The following COL11A2 variants were observed in gnomAD, a reference collection of about 807,000 sequenced individuals.
COL11A2 encodes collagen type XI alpha 2 chain.
COL11A2 carries 116 observed loss-of-function variants against 273.4 expected under a neutral mutation model. The ratio of observed to expected loss-of-function variants is 0.42; its 90% confidence interval spans 0.36 to 0.49. The LOEUF is 0.49. Among genes scored for constraint, COL11A2 ranks in the 20% least tolerant of loss-of-function variants. The pLI, the probability that COL11A2 is intolerant of heterozygous loss-of-function variation, is 0.00. For synonymous variants in COL11A2, 782 were observed against 864.2 expected (o/e 0.90, Z 1.67); for missense variants, 1,866 against 2,309.0 (o/e 0.81, Z 3.93).
chr6:33,179,290 A>C lies in COL11A2; in HGVS notation c.1504-6T>G. On this transcript the variant is annotated splice_polypyrimidine_tract_variant and splice_region_variant and intron_variant, in intron 14 of 65. Coordinates refer to ENST00000341947, the MANE Select transcript of COL11A2 (RefSeq NM_080680.3). This position sits in a 1 kb window ranked among gnomAD's most constrained non-coding sequence, Gnocchi z 6.4. ...CCAGGGCTCCCAGGTTGGCCCTGGG[A>C]GAGAGAAGAGAGGATGGCCGTAAGG... The C allele has an allele frequency of 6.2e-7, 1 of 1,609,344 alleles. No individual in the cohort carries two copies. Among genetic ancestry groups the C allele is most frequent in the Non-Finnish European group, 8.5e-7 (1 of 1,178,444 alleles).
chr6:33,173,626 T>C lies in COL11A2; in HGVS notation c.2629-71A>G. The C allele has an allele frequency of 1.4e-6, 2 of 1,430,088 alleles. No individual in the cohort carries two copies. The highest frequency in any genetic ancestry group is 1.2e-5 in the South Asian group (1 of 85,896). 88.6% of individuals were successfully genotyped at this position (1,430,088 alleles called of 1,614,324 possible). On this transcript the variant is annotated intron_variant, in intron 35 of 65. Transcript: ENST00000341947. This position sits in a 1 kb window ranked among gnomAD's most constrained non-coding sequence, Gnocchi z 6.3. ...GAGTGGGGGAACTCAGCTTCCTTCC[T>C]GGGGTGAGGAGGGAGCTGGCTCACC...
Position 33,185,186 on chromosome 6 carries a change from CAGATCTTGCAG to C in COL11A2, c.877-143_877-133del. 4.1e-6 allele frequency: 3 copies of C among 725,646 alleles called. No individual in the cohort carries two copies. In the South Asian group the frequency reaches 4.6e-5, roughly 11 times the overall value. The allele number at this position is 725,646 out of a possible 1,614,324, so 45.0% of individuals were successfully genotyped here. On this transcript the variant is annotated intron_variant, in intron 6 of 65. Transcript: ENST00000341947. Reference sequence around the variant, plus strand: ...CTGTGCTGGGGGATGGGGGAAATCTCAGATCTTGCAGCCCCTTTGGAGGGGGATAGTTTGGG... The same window carrying C: ...CTGTGCTGGGGGATGGGGGAAATCTCCCCCTTTGGAGGGGGATAGTTTGGG...
In COL11A2 at chr6:33,167,382, C is replaced by T. The variant is rs781209055; in HGVS notation, c.4122+44G>A. On this transcript the variant is annotated intron_variant, in intron 56 of 65. Transcript: ENST00000341947. The surrounding 1 kb of genome is among the most constrained non-coding windows in gnomAD (Gnocchi z 6.1). ...CCCCACACTGCACCCCTCCCATGGC[C>T]CCTCACTCCCACCCCAGCCCAGCCC... is the stretch of plus-strand genomic sequence containing the variant. The T allele has an allele frequency of 1.2e-6, 2 of 1,612,348 alleles. No individual in the cohort carries two copies. Among genetic ancestry groups the T allele is most frequent in the African/African-American group, 1.3e-5 (1 of 74,896 alleles).
At chr6:33,182,626 G>A (rs1159516352) in intron 8 of COL11A2, among the ~76,000 whole-genome samples, 3 of 151,814 alleles carry the variant, frequency 2.0e-5, no homozygotes, top group Non-Finnish European at 2.9e-5. Flanking sequence ...CAGGAGGATC[G>A]CTTGAACCCA....
intron 41 of COL11A2, 22 bp from the exon 42 acceptor site, chr6:33,171,842 C>T (rs2855435): frequency 1.2e-6 from 2 of 1,610,746 alleles, no homozygotes; most frequent in Non-Finnish European, 8.5e-7. Flanking sequence ...GATGGTCAGA[C>T]CCCCAGGAAG....
chr6:33,177,770 G>T lies in COL11A2; in HGVS notation c.1873-64C>A. On this transcript the variant is annotated intron_variant, in intron 21 of 65. Coordinates refer to ENST00000341947, the MANE Select transcript of COL11A2 (RefSeq NM_080680.3). This position sits in a 1 kb window ranked among gnomAD's most constrained non-coding sequence, Gnocchi z 5.9. Reference sequence around the variant, plus strand: ...CCGGAGGGACCTGTGGTTTTCAGAGGCCCGGCCATTCCCGAGGGTGTGACG... The same window carrying T: ...CCGGAGGGACCTGTGGTTTTCAGAGTCCCGGCCATTCCCGAGGGTGTGACG... 2 of 1,574,788 alleles carry T rather than the reference G, an allele frequency of 1.3e-6. No homozygotes were observed. Among genetic ancestry groups the T allele is most frequent in the East Asian group, 2.2e-5 (1 of 44,536 alleles).
In COL11A2 at chr6:33,167,496, C is replaced by A. The variant is rs1281121113; in HGVS notation, c.4052G>T (p.Gly1351Val). ...TGCTGGGCCTGCAGGACCCACCGGG[C>A]CTGTCTTCCCCGGGGCACCTATAGC... is the stretch of plus-strand genomic sequence containing the variant. ...PGAIGAPGKT[G>V]PVGPAGPAGK... Residue 1351 changes from glycine (G) to valine (V), a missense_variant, in exon 56 of 66, where the codon GGC becomes GTC. Transcript: ENST00000341947. The surrounding 1 kb of genome is among the most constrained non-coding windows in gnomAD (Gnocchi z 6.1). 6.2e-7 allele frequency: 1 copy of A among 1,612,742 alleles called. No homozygotes were observed. Among genetic ancestry groups the A allele is most frequent in the Non-Finnish European group, 8.5e-7 (1 of 1,180,032 alleles).
chr6:33,186,206 A>C (rs1772402854), intron 5 of COL11A2, among the ~76,000 whole-genome samples: 1 of 143,182 alleles, frequency 7.0e-6, no homozygotes, highest in African/African-American at 2.6e-5. Flanking sequence ...CTGCAGACCC[A>C]CCCCTCCTTT....
chr6:33,169,697 C>A lies in COL11A2; in HGVS notation c.3690+134G>T. 8.1e-7 allele frequency: 1 copy of A among 1,230,064 alleles called. No homozygotes were observed. The highest frequency in any genetic ancestry group is 2.3e-5 in the East Asian group (1 of 42,806). The allele number at this position is 1,230,064 out of a possible 1,614,324, so 76.2% of individuals were successfully genotyped here. Reference sequence around the variant, plus strand: ...GGCTCACTCAGACCAGGGATCAGGCCTCATAGAGGATGGCAGGGAGCAGAG... The same window carrying A: ...GGCTCACTCAGACCAGGGATCAGGCATCATAGAGGATGGCAGGGAGCAGAG... On this transcript the variant is annotated intron_variant, in intron 50 of 65. Transcript: ENST00000341947. This position sits in a 1 kb window ranked among gnomAD's most constrained non-coding sequence, Gnocchi z 5.5.
rs1320320867 is a variant in COL11A2 at position 33,164,865 on chromosome 6, TC to T, written c.4849del (p.Asp1617MetfsTer48). 6.4e-7 allele frequency: 1 copy of T among 1,561,532 alleles called. No homozygotes were observed. Among genetic ancestry groups the T allele is most frequent in the South Asian group, 1.2e-5 (1 of 84,788 alleles). On this transcript the variant is annotated frameshift_variant, in exon 64 of 66. Coordinates refer to ENST00000341947, the MANE Select transcript of COL11A2 (RefSeq NM_080680.3). LOFTEE classifies it high-confidence loss of function. This position sits in a 1 kb window ranked among gnomAD's most constrained non-coding sequence, Gnocchi z 4.7. ...GCCAGCTCTCACCTGCGTGACGTCATCCCTAGGCGTCACACAGGTCTCACCC... is the reference window on the plus strand; with the variant it reads ...GCCAGCTCTCACCTGCGTGACGTCATCCTAGGCGTCACACAGGTCTCACCC... ...AGGETCVTPR[D>X]DVTQFSYVDS...
chr6:33,177,742 G>A lies in COL11A2; in HGVS notation c.1873-36C>T. ...AGATGGGTGTGAGCAGCCTGAAGGT[G>A]GCCCGGAGGGACCTGTGGTTTTCAG... On this transcript the variant is annotated intron_variant, in intron 21 of 65. Transcript: ENST00000341947. The surrounding 1 kb of genome is among the most constrained non-coding windows in gnomAD (Gnocchi z 5.9). 1 of 1,612,382 alleles carries A rather than the reference G, an allele frequency of 6.2e-7. No homozygotes were observed. Among genetic ancestry groups the A allele is most frequent in the Non-Finnish European group, 8.5e-7 (1 of 1,179,566 alleles).
chr6:33,178,190 A>AT lies in COL11A2; in HGVS notation c.1819-6dup. On this transcript the variant is annotated splice_region_variant and splice_polypyrimidine_tract_variant and intron_variant, in intron 20 of 65. Transcript: ENST00000341947. This position sits in a 1 kb window ranked among gnomAD's most constrained non-coding sequence, Gnocchi z 4.6. ...GCCAAGGAGACCTCGAGGTCCCTGCATTCACGGTGAGGGGAGGAGACGGCA... is the reference window on the plus strand; with the variant it reads ...GCCAAGGAGACCTCGAGGTCCCTGCATTTCACGGTGAGGGGAGGAGACGGCA... 1 of 1,612,076 alleles carries AT rather than the reference A, an allele frequency of 6.2e-7. No individual in the cohort carries two copies. Among genetic ancestry groups the AT allele is most frequent in the Non-Finnish European group, 8.5e-7 (1 of 1,179,344 alleles).
chr6:33,168,091 C>G (rs1354624616), intron 54 of COL11A2, among the ~76,000 whole-genome samples: 1 of 152,102 alleles, frequency 6.6e-6, no homozygotes. Context: ...CCTGGTGGCC[C>G]GTCTCCTGCC....
Position 33,164,380 on chromosome 6 carries a change from AGGAGACGT to A in COL11A2, c.4949_4956del (p.Asp1650ValfsTer9). The A allele has an allele frequency of 6.2e-7, 1 of 1,611,438 alleles. No homozygotes were observed. Among genetic ancestry groups the A allele is most frequent in the East Asian group, 2.2e-5 (1 of 44,858 alleles). ...TCACGGGCTGCTCCAGAGCAGGGGT[AGGAGACGT>A]CCTGGTGGGCTGAGACGCTGAGCAG... On this transcript the variant is annotated frameshift_variant, in exon 65 of 66. Transcript: ENST00000341947. LOFTEE classifies it high-confidence loss of function. The surrounding 1 kb of genome is among the most constrained non-coding windows in gnomAD (Gnocchi z 4.7).
intron 4 of COL11A2, 138 bp from the exon 5 acceptor site, chr6:33,186,956 T>C: frequency 8.7e-7 from 1 of 1,146,762 alleles, no homozygotes; most frequent in Admixed American, 1.9e-5. Flanking sequence ...TCCATATGCA[T>C]AGCCCTTTTC....
chr6:33,170,565 C>T lies in COL11A2; in HGVS notation c.3520G>A (p.Gly1174Ser), dbSNP rs1769894472. The change falls in exon 47 of 66, where the codon GGT (glycine) becomes AGT (serine). Residue 1174 changes from glycine (G) to serine (S), a missense_variant. By Grantham distance (56) the Gly-to-Ser change is moderately conservative (BLOSUM62 0). Transcript: ENST00000341947. This position sits in a 1 kb window ranked among gnomAD's most constrained non-coding sequence, Gnocchi z 4.3. Reference sequence around the variant, plus strand: ...GTAGGGGTCACACTCACCATAGGACCCACATCTCCTGTTTCTCCCTTCTCC... The same window carrying T: ...GTAGGGGTCACACTCACCATAGGACTCACATCTCCTGTTTCTCCCTTCTCC... ...SGEKGETGDV[G>S]PMGPPGPPGP... 2 of 1,612,156 alleles carry T rather than the reference C, an allele frequency of 1.2e-6. No individual in the cohort carries two copies. The highest frequency in any genetic ancestry group is 2.2e-5 in the South Asian group (2 of 91,070).
Position 33,178,850 on chromosome 6 carries a change from C to T in COL11A2, c.1665+70G>A. On this transcript the variant is annotated intron_variant, in intron 17 of 65. Transcript: ENST00000341947. The surrounding 1 kb of genome is among the most constrained non-coding windows in gnomAD (Gnocchi z 4.6). ...GGGGAAGCCTGGAGAACTAGGTCAT[C>T]CCCAAGAAACAACTGAGCCCAGCGT... The T allele has an allele frequency of 6.2e-7, 1 of 1,610,410 alleles. No homozygotes were observed. Among genetic ancestry groups the T allele is most frequent in the Non-Finnish European group, 8.5e-7 (1 of 1,177,582 alleles).
rs1770916282 is a variant in COL11A2, at chr6:33,176,448, T to A, written c.2154A>T (p.Gly718=). The A allele has an allele frequency of 1.9e-6, 3 of 1,612,378 alleles. No individual in the cohort carries two copies. The highest frequency in any genetic ancestry group is 2.5e-6 in the Non-Finnish European group (3 of 1,179,770). The change falls in exon 27 of 66, where the codon GGA becomes GGT. Residue 718 remains glycine, a synonymous_variant. Coordinates refer to ENST00000341947, the MANE Select transcript of COL11A2 (RefSeq NM_080680.3). The surrounding 1 kb of genome is among the most constrained non-coding windows in gnomAD (Gnocchi z 4.9). ...SGPQGPLGYP[G]PRGVKGVDGI... is the part of the protein sequence containing the mutation. The stretch of plus-strand genomic sequence containing the variant: ...GGTCAGTTACCTTGACCCCTCGAGG[T>A]CCTGGGTATCCTAGAGGTCCCTGAG...
In COL11A2 at chr6:33,179,748, G is replaced by A. The variant is rs1771480242; in HGVS notation, c.1417C>T (p.Gln473Ter). Residue 473 changes from glutamine to a stop codon, truncating the protein, a stop_gained, in exon 13 of 66, where the codon CAG (glutamine) becomes TAG (stop). Transcript: ENST00000341947. LOFTEE classifies it high-confidence loss of function. This position sits in a 1 kb window ranked among gnomAD's most constrained non-coding sequence, Gnocchi z 6.4. ...GCCTGCTGCAGGATCGCCTGGGCCT[G>A]AGCCTCCTGGGCCGCCACCACAGGG... ...KGPVVAAQEA[Q>*]AQAILQQARL... 1.2e-6 allele frequency: 2 copies of A among 1,612,052 alleles called. No homozygotes were observed. The highest frequency in any genetic ancestry group is 1.7e-6 in the Non-Finnish European group (2 of 1,180,016).
Sources: gnomAD v4.1 joint callset for allele counts (sites outside exome capture counted in the v4.1 genomes callset) on GRCh38, gnomAD v4.1.1 for gene constraint, Gnocchi (gnomAD v3.1) non-coding constraint, MANE v1.5 for transcripts, NCBI Gene and HGNC (gene_info 2026-07-23, HGNC 2026-07-21) for gene names.